SMG6: variants seen among roughly 807,000 people sequenced by gnomAD.
SMG6 encodes telomerase-binding protein EST1A.
In SMG6, 66 loss-of-function variants were observed where a neutral mutation model predicts 142.2. The observed-to-expected ratio is 0.46, with a 90% CI of 0.38 to 0.57. The LOEUF is 0.57. SMG6 is among the 20% of genes least tolerant of loss of function. The probability of loss-of-function intolerance (pLI) is 0.00; values close to 1 mark genes in which losing one functional copy is unlikely to be tolerated. For missense variants in SMG6, 1,793 were observed against 1,832.0 expected (o/e 0.98, Z 0.39); for synonymous variants, 779 against 702.4 (o/e 1.11, Z -1.72).
At chr17:2,189,718 C>G (rs1461297319) in intron 10 of SMG6, among the ~76,000 whole-genome samples, 3 of 152,140 alleles carry the variant, frequency 2.0e-5, no homozygotes, top group Non-Finnish European at 2.9e-5. Flanking sequence ...CACAGTGATT[C>G]CTTACCATCT....
intron 4 of SMG6, among the ~76,000 whole-genome samples, chr17:2,294,567 C>T (rs2075106593): frequency 6.6e-6 from 1 of 151,704 alleles, no homozygotes; most frequent in East Asian, 1.9e-4. Context: ...TTGTCCTCTT[C>T]CCCTAAAATG....
chr17:2,122,023 G>A (rs1370102709), intron 13 of SMG6, among the ~76,000 whole-genome samples: 5 of 151,912 alleles, frequency 3.3e-5, no homozygotes, highest in East Asian at 1.9e-4. Flanking sequence ...TAGTAGAGAC[G>A]GGGTTTCACC....
chr17:2,303,702 G>T lies in SMG6; in HGVS notation c.19C>A (p.Arg7Ser), dbSNP rs554906811. MAEGLE[R>S]VRISASELRG... is the part of the protein sequence containing the mutation. ...AGCTCCGACGCGGAGATCCGCACACGCTCCAGCCCTTCCGCCATCTTCGCG... is the reference window on the plus strand; with the variant it reads ...AGCTCCGACGCGGAGATCCGCACACTCTCCAGCCCTTCCGCCATCTTCGCG... Residue 7 changes from arginine (R) to serine (S), a missense_variant, in exon 1 of 19, where the codon CGT (arginine) becomes AGT (serine). This residue lies in a region of SMG6 where 1,597 missense variants were observed against 1,584.6 expected (regional missense o/e 1.01). Coordinates refer to ENST00000263073, the MANE Select transcript of SMG6 (RefSeq NM_017575.5). The T allele has an allele frequency of 3.3e-5, 50 of 1,493,734 alleles. 1 individual carries two copies. The South Asian group carries it at 6.0e-4, about 18-fold the overall frequency. The allele number at this position is 1,493,734 out of a possible 1,614,324, so 92.5% of individuals were successfully genotyped here.
chr17:2,142,074 T>C (rs776660500), intron 13 of SMG6, among the ~76,000 whole-genome samples: 11 of 152,048 alleles, frequency 7.2e-5, no homozygotes, highest in African/African-American at 1.4e-4. Context: ...GATCTCACTA[T>C]GGCTGGACTC....
intron 15 of SMG6, among the ~76,000 whole-genome samples, chr17:2,078,758 T>TGGTGAGGAAGCCCAGGAGGGTGGTCTGGC (rs1370517134): frequency 6.6e-6 from 1 of 151,708 alleles, no homozygotes; most frequent in African/African-American, 2.4e-5. Flanking sequence ...AAAAGAATGG[T>TGGTGAGGAAGCCCAGGAGGGTGGTCTGGC]GGTGAGGAAG....
rs576408759 is a variant in SMG6, at chr17:2,188,331, G to A, written c.2986+68C>T. On this transcript the variant is annotated intron_variant, in intron 11 of 18. Coordinates refer to ENST00000263073, the MANE Select transcript of SMG6 (RefSeq NM_017575.5). ...GAGAAGACACCGAGAAAACAGCATG[G>A]CACTGTGAGGTCTGGACAAGGCCAG... The A allele has an allele frequency of 1.3e-5, 16 of 1,259,062 alleles. No individual in the cohort carries two copies. In the East Asian group the frequency reaches 2.8e-4, roughly 22 times the overall value. The allele number at this position is 1,259,062 out of a possible 1,614,324, so 78.0% of individuals were successfully genotyped here. A position where few individuals can be genotyped will look rare whatever the true frequency, so the allele number is the denominator to read the frequency against.
At chr17:2,269,458 TAA>T (rs10706406) in intron 8 of SMG6, among the ~76,000 whole-genome samples, 198 of 146,018 alleles carry the variant, frequency 1.4e-3, no homozygotes, top group Admixed American at 2.1e-3. Flanking sequence ...AACTATACAT[TAA>T]AAAAAAAAAA....
chr17:2,201,479 C>A (rs764547534), intron 10 of SMG6, among the ~76,000 whole-genome samples: 1 of 151,974 alleles, frequency 6.6e-6, no homozygotes, highest in Non-Finnish European at 1.5e-5. Context: ...GGATGGCTTG[C>A]GGTCAGGAGT....
At chr17:2,233,060 G>C (rs1284949095) in intron 10 of SMG6, 2 of 152,226 alleles carry the variant, frequency 1.3e-5, no homozygotes, top group Admixed American at 1.3e-4. Flanking sequence ...TTATACAAGG[G>C]TGGCACTGAA....
intron 8 of SMG6, among the ~76,000 whole-genome samples, chr17:2,245,382 G>C (rs550846836): frequency 6.6e-6 from 1 of 152,084 alleles, no homozygotes; most frequent in East Asian, 1.9e-4. Flanking sequence ...CTGCAATCTG[G>C]GTTTTTTTGT....
chr17:2,075,491 C>A (rs1445710838), intron 15 of SMG6, among the ~76,000 whole-genome samples: 1 of 152,212 alleles, frequency 6.6e-6, no homozygotes, highest in African/African-American at 2.4e-5. Flanking sequence ...CGCCCGACAG[C>A]AGCACAAATC....
intron 13 of SMG6, among the ~76,000 whole-genome samples, chr17:2,106,604 T>C (rs1290084346): frequency 6.6e-6 from 1 of 152,128 alleles, no homozygotes; most frequent in Non-Finnish European, 1.5e-5. Flanking sequence ...AAGGCTGTCC[T>C]GTCACAAGGG....
In SMG6 at chr17:2,070,905, T is replaced by C. The variant is rs141682707; in HGVS notation, c.3682-1974A>G. Reference sequence around the variant, plus strand: ...TTGGGCAGTTTGTAAGAACAGGAAATGGTCCCTGCTCAGGTTCAGTAAACC... The same window carrying C: ...TTGGGCAGTTTGTAAGAACAGGAAACGGTCCCTGCTCAGGTTCAGTAAACC... On this transcript the variant is annotated intron_variant, in intron 15 of 18. Coordinates refer to ENST00000263073, the MANE Select transcript of SMG6 (RefSeq NM_017575.5). Among the ~76,000 whole-genome samples, 5 of 152,258 alleles carry C rather than the reference T, an allele frequency of 3.3e-5. No homozygotes were observed. The East Asian group carries it at 9.7e-4, about 29-fold the overall frequency.
chr17:2,281,198 T>G (rs2074778024), intron 8 of SMG6, among the ~76,000 whole-genome samples: 1 of 152,136 alleles, frequency 6.6e-6, no homozygotes, highest in African/African-American at 2.4e-5. Flanking sequence ...GGATCATAGC[T>G]CATGACATCC....
Position 2,298,901 on chromosome 17 carries a change from C to T in SMG6, c.1847+5G>A, listed in dbSNP as rs202099432. On this transcript the variant is annotated splice_donor_5th_base_variant and intron_variant, in intron 2 of 18. Transcript: ENST00000263073. ...TCCCTCCAGCCAGAATAGACCACAT[C>T]ATACCTGAGTTGCGCCATCTTCTCC... The T allele has an allele frequency of 2.2e-4, 359 of 1,610,088 alleles. 2 individuals are homozygous for T. The African/African-American group carries it at 4.5e-3, about 20-fold the overall frequency.
chr17:2,083,255 C>G (rs2068472432), intron 14 of SMG6, among the ~76,000 whole-genome samples: 1 of 152,174 alleles, frequency 6.6e-6, no homozygotes, highest in South Asian at 2.1e-4. Flanking sequence ...CTGTCCAGCT[C>G]AAGGTCATAT....
chr17:2,139,425 CTTTTTT>C (rs375417133), intron 13 of SMG6, among the ~76,000 whole-genome samples: 2 of 139,250 alleles, frequency 1.4e-5, no homozygotes, highest in South Asian at 4.5e-4. Flanking sequence ...CTGCTTTTTT[CTTTTTT>C]TTTTTTTTGA....
chr17:2,088,033 A>T, intron 13 of SMG6: 3 of 985,330 alleles, frequency 3.0e-6, no homozygotes, highest in Non-Finnish European at 3.6e-6. Context: ...AGGAGAGGGG[A>T]GCTAAGGAGT....
chr17:2,117,164 G>A (rs2069533793), intron 13 of SMG6, among the ~76,000 whole-genome samples: 1 of 149,854 alleles, frequency 6.7e-6, no homozygotes, highest in South Asian at 2.1e-4. Context: ...GCGTGAACAT[G>A]GCTCACTGCA....
Sources: gnomAD v4.1 joint callset for allele counts (sites outside exome capture counted in the v4.1 genomes callset) on GRCh38, gnomAD v4.1.1 for gene constraint, gnomAD v4.1.1 regional missense constraint, MANE v1.5 for transcripts, NCBI Gene and HGNC (gene_info 2026-07-23, HGNC 2026-07-21) for gene names.